REDIC1: variants seen among roughly 807,000 people sequenced by gnomAD.
REDIC1 encodes HEI10 Interacting Protein 1.
At chr12:39,821,516 T>C in the REDIC1 span, among the ~76,000 whole-genome samples, 1 of 152,144 alleles carries the variant, frequency 6.6e-6, no homozygotes, top group Non-Finnish European at 1.5e-5. Context: ...AGAGAGCGAA[T>C]TGCAGTGGGA....
chr12:39,784,677 T>A, the REDIC1 span, among the ~76,000 whole-genome samples: 1 of 152,212 alleles, frequency 6.6e-6, no homozygotes, highest in South Asian at 2.1e-4. Context: ...AAGGACTTCA[T>A]GACTAAAACA....
the REDIC1 span, among the ~76,000 whole-genome samples, chr12:39,700,511 C>T: frequency 3.9e-5 from 6 of 152,162 alleles, no homozygotes; most frequent in African/African-American, 7.2e-5. Flanking sequence ...GAAAACACTC[C>T]GCAGGATATT....
the REDIC1 span, chr12:39,643,998 T>C: frequency 3.5e-6 from 4 of 1,159,366 alleles, no homozygotes; most frequent in Middle Eastern, 9.1e-4. Flanking sequence ...TTGTAATTTT[T>C]GAGCTCAAAG....
chr12:39,838,814 G>T, the REDIC1 span, among the ~76,000 whole-genome samples: 1 of 152,022 alleles, frequency 6.6e-6, no homozygotes, highest in Non-Finnish European at 1.5e-5. Flanking sequence ...CTGTGAAGCT[G>T]GGTGTGAACT....
At chr12:39,842,036 A>G in the REDIC1 span, among the ~76,000 whole-genome samples, 1 of 152,024 alleles carries the variant, frequency 6.6e-6, no homozygotes, top group Non-Finnish European at 1.5e-5. Context: ...TTCCCTTTTT[A>G]CAGAAAAACC....
At chr12:39,626,697 T>C in the REDIC1 span, among the ~76,000 whole-genome samples, 5 of 151,950 alleles carry the variant, frequency 3.3e-5, no homozygotes, top group African/African-American at 1.2e-4. Flanking sequence ...ACTGCCTTCT[T>C]TCCGTGTCTA....
At chr12:39,703,141 A>G in the REDIC1 span, among the ~76,000 whole-genome samples, 3 of 152,318 alleles carry the variant, frequency 2.0e-5, no homozygotes, top group East Asian at 1.9e-4. Context: ...AGGAAGCCAA[A>G]TTGTCCCTGT....
At chr12:39,894,109 C>A in the REDIC1 span, among the ~76,000 whole-genome samples, 1 of 152,146 alleles carries the variant, frequency 6.6e-6, no homozygotes, top group African/African-American at 2.4e-5. Context: ...TAAACATGGC[C>A]ATACCAGCAT....
At chr12:39,888,639 A>G in the REDIC1 span, among the ~76,000 whole-genome samples, 1 of 152,272 alleles carries the variant, frequency 6.6e-6, no homozygotes, top group African/African-American at 2.4e-5. Flanking sequence ...CAGAATTGCA[A>G]GAGAGCACAG....
the REDIC1 span, among the ~76,000 whole-genome samples, chr12:39,747,120 A>C: frequency 6.6e-6 from 1 of 152,284 alleles, no homozygotes; most frequent in East Asian, 1.9e-4. Flanking sequence ...AGATGATCAG[A>C]CTTCTCTGAG....
chr12:39,678,058 C>G, the REDIC1 span, among the ~76,000 whole-genome samples: 1 of 151,866 alleles, frequency 6.6e-6, no homozygotes, highest in Non-Finnish European at 1.5e-5. Context: ...CAAACCAAGC[C>G]CAAACCCAGC....
the REDIC1 span, chr12:39,692,087 C>A: frequency 6.3e-7 from 1 of 1,577,426 alleles, no homozygotes; most frequent in Non-Finnish European, 8.6e-7. Context: ...CTTTAAAAAG[C>A]AAGCGAATAT....
At chr12:39,682,787 C>CT in the REDIC1 span, 3 of 1,613,106 alleles carry the variant, frequency 1.9e-6, no homozygotes, top group South Asian at 3.3e-5. Context: ...AACCAGTCTA[C>CT]TCCTAACCTT....
chr12:39,777,904 C>G, the REDIC1 span, among the ~76,000 whole-genome samples: 1 of 152,206 alleles, frequency 6.6e-6, no homozygotes, highest in African/African-American at 2.4e-5. Context: ...CCCTAGGATA[C>G]AGAAAGCCCT....
At chr12:39,660,897 C>A in the REDIC1 span, among the ~76,000 whole-genome samples, 1 of 152,084 alleles carries the variant, frequency 6.6e-6, no homozygotes, top group African/African-American at 2.4e-5. Context: ...TTAGCTCCCA[C>A]ATGTGAGTGA....
At chr12:39,706,549 CA>C in the REDIC1 span, among the ~76,000 whole-genome samples, 7 of 151,908 alleles carry the variant, frequency 4.6e-5, no homozygotes, top group African/African-American at 1.5e-4. Flanking sequence ...TCTCTTACTT[CA>C]AATTATACTA....
the REDIC1 span, among the ~76,000 whole-genome samples, chr12:39,700,020 A>G: frequency 6.6e-6 from 1 of 152,212 alleles, no homozygotes; most frequent in African/African-American, 2.4e-5. Context: ...GAAACTCTAA[A>G]AAGCAGAGCG....
At chr12:39,698,309 A>C in the REDIC1 span, among the ~76,000 whole-genome samples, 2 of 152,324 alleles carry the variant, frequency 1.3e-5, no homozygotes, top group African/African-American at 4.8e-5. Flanking sequence ...TTTTAAATAT[A>C]TATGCACCCA....
chr12:39,770,310 A>G, the REDIC1 span, among the ~76,000 whole-genome samples: 1 of 152,142 alleles, frequency 6.6e-6, no homozygotes, highest in Non-Finnish European at 1.5e-5. Context: ...CAGAGTTGCT[A>G]TGAACATCTA....
Sources: allele counts gnomAD v4.1 joint callset (sites outside exome capture counted in the v4.1 genomes callset), GRCh38; gene constraint gnomAD v4.1.1; transcripts MANE v1.5; gene names NCBI Gene and HGNC (gene_info 2026-07-23, HGNC 2026-07-21).